RARS2: variants seen among roughly 807,000 people sequenced by gnomAD.
RARS2 encodes probable arginine--tRNA ligase, mitochondrial.
Under a neutral mutation model 88.5 loss-of-function variants are expected in RARS2, and 67 were observed. The ratio of observed to expected loss-of-function variants is 0.76; its 90% CI spans 0.62 to 0.93. The LOEUF (loss-of-function observed/expected upper bound fraction) is 0.93, where lower values mean the gene tolerates loss of function less well. Ranked by LOEUF, RARS2 falls within the 40% of genes least tolerant of loss-of-function variation. The pLI is 0.00. For synonymous variants in RARS2, 239 were observed against 230.3 expected (o/e 1.04, Z -0.34); for missense variants, 664 against 684.2 (o/e 0.97, Z 0.33).
At chr6:87,514,901 A>G in intron 19 of RARS2, 56 bp downstream of exon 19, 2 of 1,387,024 alleles carry the variant, frequency 1.4e-6, no homozygotes, top group South Asian at 1.2e-5. Flanking sequence ...AGACTGACTT[A>G]GTAATATTAG....
intron 4 of RARS2, among the ~76,000 whole-genome samples, chr6:87,560,185 T>C (rs985415908): frequency 2.0e-5 from 3 of 152,258 alleles, no homozygotes; most frequent in African/African-American, 7.2e-5. Flanking sequence ...TAATCAAGTC[T>C]GTTTTATTTA....
chr6:87,517,604 A>G (rs927922239), intron 17 of RARS2, among the ~76,000 whole-genome samples: 1 of 152,216 alleles, frequency 6.6e-6, no homozygotes, highest in Non-Finnish European at 1.5e-5. Flanking sequence ...ACTATATGGC[A>G]ATCAAAGAAA....
At chr6:87,519,765 TATA>T (rs1773241734) in intron 13 of RARS2, 58 bp from the exon 14 acceptor site, 2 of 1,596,404 alleles carry the variant, frequency 1.3e-6, no homozygotes, top group Admixed American at 3.3e-5. Context: ...GCTGAAAGCA[TATA>T]ATACCTTTCA....
rs1773096365 is a variant in RARS2 at position 87,519,437 on chromosome 6, C to G, written c.1237+146G>C. The G allele has an allele frequency of 3.6e-6, 3 of 822,448 alleles. No individual in the cohort carries two copies. The South Asian group carries it at 4.8e-5, about 13-fold the overall frequency. 50.9% of individuals were successfully genotyped at this position (822,448 alleles called of 1,614,324 possible). A position where few individuals can be genotyped will look rare whatever the true frequency, so the allele number is the denominator to read the frequency against. On this transcript the variant is annotated intron_variant, in intron 14 of 19. Coordinates refer to ENST00000369536, the MANE Select transcript of RARS2 (RefSeq NM_020320.5). Reference sequence around the variant, plus strand: ...TGAGTAGCGAGTATAAAAATTCTGGCACCTCTAATTAGTGAAAGGTATTTT... The same window carrying G: ...TGAGTAGCGAGTATAAAAATTCTGGGACCTCTAATTAGTGAAAGGTATTTT...
rs568765252 is a variant in RARS2, at chr6:87,545,281, G to A, written c.535+335C>T. ...TTGTATTTTGTAAAGACAGGATTTC[G>A]CCATGTTGCTCAGGCTGGTCTCAAA... On this transcript the variant is annotated intron_variant, in intron 7 of 19. Transcript: ENST00000369536. Among the ~76,000 whole-genome samples, 20 of 152,132 alleles carry A rather than the reference G, an allele frequency of 1.3e-4. No individual in the cohort carries two copies. The South Asian group carries it at 3.3e-3, about 25-fold the overall frequency.
chr6:87,589,661 T>C, intron 1 of RARS2: 1 of 985,066 alleles, frequency 1.0e-6, no homozygotes, highest in Non-Finnish European at 1.2e-6. Flanking sequence ...AAAGCATTCA[T>C]AGCTGTGGGG....
intron 8 of RARS2, among the ~76,000 whole-genome samples, chr6:87,535,674 TTG>T (rs1234458595): frequency 4.4e-5 from 6 of 135,072 alleles, no homozygotes; most frequent in Admixed American, 8.4e-5. Flanking sequence ...TGTAACTGTT[TTG>T]TTTTTTTTTT....
intron 6 of RARS2, among the ~76,000 whole-genome samples, chr6:87,547,028 A>C (rs1237696073): frequency 6.6e-6 from 1 of 152,186 alleles, no homozygotes; most frequent in African/African-American, 2.4e-5. Context: ...GGATGTTGGG[A>C]AAGTTACTTT....
intron 5 of RARS2, among the ~76,000 whole-genome samples, chr6:87,551,712 G>A (rs565792414): frequency 1.3e-5 from 2 of 149,786 alleles, no homozygotes; most frequent in Non-Finnish European, 3.0e-5. Flanking sequence ...AGATCACTGA[G>A]CCAGTTACTA....
intron 5 of RARS2, among the ~76,000 whole-genome samples, chr6:87,554,515 A>G (rs56092913): frequency 0.11 from 16,401 of 152,232 alleles, 934 homozygotes; most frequent in East Asian, 0.15. Context: ...GCTAGAGTGC[A>G]TGACAATCAC....
intron 2 of RARS2, among the ~76,000 whole-genome samples, chr6:87,567,214 T>C (rs566312144): frequency 3.3e-5 from 5 of 151,986 alleles, no homozygotes; most frequent in Non-Finnish European, 7.4e-5. Flanking sequence ...ATTGTGCCAC[T>C]GCACTCCAGC....
Position 87,589,983 on chromosome 6 carries a change from A to C in RARS2, c.-26T>G. ...GTCCACCTCTACGGAAGTGCGCCGCAGTCCGCCAGTTCCGGCCTCGCCCCA... is the reference window on the plus strand; with the variant it reads ...GTCCACCTCTACGGAAGTGCGCCGCCGTCCGCCAGTTCCGGCCTCGCCCCA... On this transcript the variant is annotated 5_prime_UTR_variant, in exon 1 of 20. Coordinates refer to ENST00000369536, the MANE Select transcript of RARS2 (RefSeq NM_020320.5). 6.2e-7 allele frequency: 1 copy of C among 1,614,156 alleles called. No homozygotes were observed. The highest frequency in any genetic ancestry group is 1.1e-5 in the South Asian group (1 of 91,084).
At chr6:87,543,549 G>C (rs764283006) in intron 7 of RARS2, among the ~76,000 whole-genome samples, 1 of 151,950 alleles carries the variant, frequency 6.6e-6, no homozygotes, top group Non-Finnish European at 1.5e-5. Flanking sequence ...GCTGAGGCAG[G>C]AGAATCACTT....
intron 11 of RARS2, among the ~76,000 whole-genome samples, chr6:87,524,289 A>G (rs1353540680): frequency 1.3e-5 from 2 of 152,158 alleles, no homozygotes; most frequent in Non-Finnish European, 1.5e-5. Flanking sequence ...ACCAAATCCC[A>G]ATGAGTTCTG....
Position 87,577,333 on chromosome 6 carries a change from A to G in RARS2, c.37-7743T>C, listed in dbSNP as rs1199086014. On this transcript the variant is annotated intron_variant, in intron 1 of 19. Coordinates refer to ENST00000369536, the MANE Select transcript of RARS2 (RefSeq NM_020320.5). ...CAGCCTCCTGAGTAGCTGGGACTAC[A>G]GGTGTACACCACCATGCCTGGCTAA... 2.0e-5 allele frequency among the ~76,000 whole-genome samples: 3 copies of G among 152,216 alleles called. No homozygotes were observed. In the East Asian group the frequency reaches 5.8e-4, roughly 29 times the overall value.
chr6:87,516,417 T>C (rs1307810484), intron 18 of RARS2, among the ~76,000 whole-genome samples: 1 of 152,232 alleles, frequency 6.6e-6, no homozygotes, highest in Non-Finnish European at 1.5e-5. Flanking sequence ...AAATGTATTA[T>C]TACGTTCTTG....
intron 2 of RARS2, among the ~76,000 whole-genome samples, chr6:87,566,572 A>G (rs1767922894): frequency 6.6e-6 from 1 of 152,176 alleles, no homozygotes; most frequent in Admixed American, 6.5e-5. Flanking sequence ...GGAGAGCCCA[A>G]CACAGTGGCT....
chr6:87,584,841 T>C (rs917719338), intron 1 of RARS2: 16 of 345,344 alleles, frequency 4.6e-5, no homozygotes, highest in Non-Finnish European at 7.4e-5. Context: ...GTATATACCA[T>C]AGAGAAGGGG....
intron 4 of RARS2, among the ~76,000 whole-genome samples, chr6:87,557,368 T>C (rs969132545): frequency 1.1e-4 from 16 of 152,304 alleles, no homozygotes; most frequent in African/African-American, 3.8e-4. Flanking sequence ...AGAATATATA[T>C]GACAAGAACA....
Sources: allele counts gnomAD v4.1 joint callset (sites outside exome capture counted in the v4.1 genomes callset), GRCh38; gene constraint gnomAD v4.1.1; transcripts MANE v1.5; gene names NCBI Gene and HGNC (gene_info 2026-07-23, HGNC 2026-07-21).